The following HS3ST4 variants were observed in gnomAD, a reference collection of about 807,000 sequenced individuals.
The protein encoded by HS3ST4 is heparan sulfate glucosamine 3-O-sulfotransferase 4.
A neutral mutation model predicts 29.2 loss-of-function variants in HS3ST4; 17 were observed. The observed-to-expected ratio is 0.58, with a 90% confidence interval of 0.40 to 0.87. The LOEUF (loss-of-function observed/expected upper bound fraction) is 0.87. Ranked by LOEUF, HS3ST4 falls within the 40% of genes least tolerant of loss-of-function variation. HS3ST4 has a pLI of 0.00. For missense variants in HS3ST4, 627 were observed against 634.5 expected (o/e 0.99, Z 0.13); for synonymous variants, 314 against 285.7 (o/e 1.10, Z -1.00).
intron 1 of HS3ST4, among the ~76,000 whole-genome samples, chr16:25,992,273 A>G (rs1481495601): frequency 1.3e-5 from 2 of 152,214 alleles, no homozygotes; most frequent in Non-Finnish European, 2.9e-5. Context: ...GGAAACTTGG[A>G]AAAGATGAAA....
At chr16:26,007,567 C>T (rs1969269737) in intron 1 of HS3ST4, among the ~76,000 whole-genome samples, 1 of 152,192 alleles carries the variant, frequency 6.6e-6, no homozygotes, top group South Asian at 2.1e-4. Context: ...GCTGCTCCCT[C>T]CTGTTTGTTT....
At chr16:26,070,289 G>T (rs1247155554) in intron 1 of HS3ST4, among the ~76,000 whole-genome samples, 5 of 152,182 alleles carry the variant, frequency 3.3e-5, no homozygotes, top group Non-Finnish European at 5.9e-5. Context: ...GTTTTGATTT[G>T]CATTTCTCTG....
intron 1 of HS3ST4, among the ~76,000 whole-genome samples, chr16:26,019,504 G>T (rs1969391524): frequency 1.3e-5 from 2 of 151,302 alleles, no homozygotes; most frequent in South Asian, 4.2e-4. Context: ...TTAACAGGAG[G>T]GCAATCAGAG....
chr16:25,800,705 G>T (rs1966924830), intron 1 of HS3ST4, among the ~76,000 whole-genome samples: 1 of 152,060 alleles, frequency 6.6e-6, no homozygotes, highest in South Asian at 2.1e-4. Flanking sequence ...GTTGAAACTT[G>T]ATCTTCAGTG....
At chr16:26,064,855 G>T (rs1898524419) in intron 1 of HS3ST4, among the ~76,000 whole-genome samples, 1 of 152,046 alleles carries the variant, frequency 6.6e-6, no homozygotes, top group Admixed American at 6.6e-5. Flanking sequence ...AACCTCAGGT[G>T]ATCCACCTGC....
chr16:26,072,933 T>A lies in HS3ST4; in HGVS notation c.735-62679T>A, dbSNP rs538228417. The stretch of plus-strand genomic sequence containing the variant: ...TTGTTCATTGTAGTAGAAAAGTAAA[T>A]CTCTACAAAAAATAAATCTGCTTAA... On this transcript the variant is annotated intron_variant, in intron 1 of 1. Coordinates refer to ENST00000331351, the MANE Select transcript of HS3ST4 (RefSeq NM_006040.3). Among the ~76,000 whole-genome samples the A allele has an allele frequency of 9.8e-5, 15 of 152,300 alleles. No homozygotes were observed. The East Asian group carries it at 2.9e-3, about 29-fold the overall frequency.
chr16:26,038,690 T>TATG (rs1567299449), intron 1 of HS3ST4, among the ~76,000 whole-genome samples: 2 of 141,618 alleles, frequency 1.4e-5, no homozygotes, highest in Non-Finnish European at 3.1e-5. Context: ...ATGTATGTAT[T>TATG]TATTTTTGAG....
At position 25,940,857 on chromosome 16, in the gene HS3ST4, T is replaced by A. The variant is rs117347389; in HGVS notation, c.735-194755T>A. Among the ~76,000 whole-genome samples the A allele has an allele frequency of 4.6e-3, 693 of 152,304 alleles. 2 individuals carry two copies. The highest frequency in any genetic ancestry group is 6.8e-3 in the Middle Eastern group (2 of 294). Reference sequence around the variant, plus strand: ...TTTTCTGGCTTCCTCTCCATCTTCATCTCCCCCCAGCTCTCTCCCTTGCTT... The same window carrying A: ...TTTTCTGGCTTCCTCTCCATCTTCAACTCCCCCCAGCTCTCTCCCTTGCTT... On this transcript the variant is annotated intron_variant, in intron 1 of 1. Coordinates refer to ENST00000331351, the MANE Select transcript of HS3ST4 (RefSeq NM_006040.3).
At chr16:25,773,598 T>C (rs929986452) in intron 1 of HS3ST4, among the ~76,000 whole-genome samples, 1 of 152,156 alleles carries the variant, frequency 6.6e-6, no homozygotes, top group African/African-American at 2.4e-5. Flanking sequence ...GGAGACACTT[T>C]CAAGTAGACA....
chr16:26,100,754 A>C (rs1391692100), intron 1 of HS3ST4, among the ~76,000 whole-genome samples: 2 of 152,212 alleles, frequency 1.3e-5, no homozygotes, highest in African/African-American at 2.4e-5. Context: ...ATTTACTTGA[A>C]CTACCACCTG....
At position 25,979,258 on chromosome 16, in the gene HS3ST4, G is replaced by A. The variant is rs561160188; in HGVS notation, c.735-156354G>A. On this transcript the variant is annotated intron_variant, in intron 1 of 1. Transcript: ENST00000331351. Reference sequence around the variant, plus strand: ...AGCTTTGCACTGGATGTCTCTTCTTGGATATTCTATAACAGGGGTCTCCAA... The same window carrying A: ...AGCTTTGCACTGGATGTCTCTTCTTAGATATTCTATAACAGGGGTCTCCAA... 2.6e-5 allele frequency among the ~76,000 whole-genome samples: 4 copies of A among 152,186 alleles called. No homozygotes were observed. In the South Asian group the frequency reaches 8.3e-4, roughly 32 times the overall value.
intron 1 of HS3ST4, among the ~76,000 whole-genome samples, chr16:26,112,780 C>T (rs1899149465): frequency 6.6e-6 from 1 of 152,092 alleles, no homozygotes; most frequent in African/African-American, 2.4e-5. Flanking sequence ...GGAAAAATCT[C>T]TTAAATTCAG....
chr16:25,756,991 G>T (rs948406444), intron 1 of HS3ST4, among the ~76,000 whole-genome samples: 7 of 152,142 alleles, frequency 4.6e-5, no homozygotes, highest in African/African-American at 1.4e-4. Flanking sequence ...CTGAGGGAAG[G>T]TACCTAGCCA....
At chr16:25,718,317 A>G (rs1966471426) in intron 1 of HS3ST4, among the ~76,000 whole-genome samples, 1 of 152,172 alleles carries the variant, frequency 6.6e-6, no homozygotes, top group Non-Finnish European at 1.5e-5. Context: ...TTAGTGACCC[A>G]GGCTTGCACG....
chr16:26,030,524 G>T (rs1186932755), intron 1 of HS3ST4, among the ~76,000 whole-genome samples: 1 of 152,224 alleles, frequency 6.6e-6, no homozygotes, highest in Non-Finnish European at 1.5e-5. Context: ...AGTCATATTT[G>T]TAATTACTAG....
chr16:25,700,575 C>T (rs570525447), intron 1 of HS3ST4, among the ~76,000 whole-genome samples: 2 of 152,062 alleles, frequency 1.3e-5, no homozygotes, highest in African/African-American at 2.4e-5. Flanking sequence ...AGAGAGGCCT[C>T]GAGACTTTAG....
At chr16:26,000,733 G>A (rs961198248) in intron 1 of HS3ST4, among the ~76,000 whole-genome samples, 1 of 152,078 alleles carries the variant, frequency 6.6e-6, no homozygotes, top group African/African-American at 2.4e-5. Flanking sequence ...GTGTACTCTA[G>A]GAAGAGTCAA....
intron 1 of HS3ST4, among the ~76,000 whole-genome samples, chr16:26,097,432 A>C (rs1898939001): frequency 6.6e-6 from 1 of 152,210 alleles, no homozygotes; most frequent in African/African-American, 2.4e-5. Context: ...AACACCACAC[A>C]TCTACAACTA....
At position 26,135,732 on chromosome 16, in the gene HS3ST4, G is replaced by A. The variant is rs1898274054; in HGVS notation, c.855G>A (p.Val285=). 1 of 1,613,992 alleles carries A rather than the reference G, an allele frequency of 6.2e-7. No individual in the cohort carries two copies. Among genetic ancestry groups the A allele is most frequent in the Non-Finnish European group, 8.5e-7 (1 of 1,180,006 alleles). Residue 285 remains valine (V), a synonymous_variant, in exon 2 of 2, where the codon GTG becomes GTA. Coordinates refer to ENST00000331351, the MANE Select transcript of HS3ST4 (RefSeq NM_006040.3). The part of the protein sequence containing the change: ...HSMAKDIKLI[V]VVRNPVTRAI... ...TGGCCAAGGACATCAAACTGATTGT[G>A]GTGGTGAGAAACCCCGTGACCAGGG...
Sources: allele counts gnomAD v4.1 joint callset (sites outside exome capture counted in the v4.1 genomes callset), GRCh38; gene constraint gnomAD v4.1.1; transcripts MANE v1.5; gene names NCBI Gene and HGNC (gene_info 2026-07-23, HGNC 2026-07-21).